NLRP11: variants seen among roughly 807,000 people sequenced by gnomAD.
NLRP11 encodes NACHT, LRR and PYD domains-containing protein 11.
In NLRP11, 53 loss-of-function variants were observed where a neutral mutation model predicts 79.3. The ratio of observed to expected loss-of-function variants is 0.67; its 90% CI spans 0.54 to 0.84. NLRP11 has a LOEUF of 0.84. NLRP11 is among the 40% of genes least tolerant of loss of function. The pLI is 0.00. For synonymous variants in NLRP11, 518 were observed against 462.6 expected, an observed-to-expected ratio of 1.12 and a Z score of -1.54; for missense variants, 1,264 against 1,255.0, an observed-to-expected ratio of 1.01 and a Z score of -0.11.
intron 6 of NLRP11, among the ~76,000 whole-genome samples, chr19:55,794,974 A>G (rs1278663387): frequency 6.6e-6 from 1 of 152,188 alleles, no homozygotes; most frequent in Non-Finnish European, 1.5e-5. Flanking sequence ...CGAAACAAAA[A>G]AACAAGATGA....
chr19:55,831,614 C>G (rs553149592), intron 1 of NLRP11, among the ~76,000 whole-genome samples: 1 of 152,224 alleles, frequency 6.6e-6, no homozygotes, highest in African/African-American at 2.4e-5. Context: ...CTTTATACAT[C>G]ACATAGAAGA....
Position 55,809,098 on chromosome 19 carries a change from TCTC to T in NLRP11, c.1509_1511del (p.Arg504del). 6.2e-6 allele frequency: 10 copies of T among 1,613,892 alleles called. No homozygotes were observed. The highest frequency in any genetic ancestry group is 8.5e-6 in the Non-Finnish European group (10 of 1,179,958). On this transcript the variant is annotated inframe_deletion, in exon 3 of 10. Coordinates refer to ENST00000589093, the Ensembl canonical transcript of NLRP11. The surrounding 1 kb of genome is among the most constrained non-coding windows in gnomAD (Gnocchi z 4.5). Reference sequence around the variant, plus strand: ...ATCCAAAGGATGTCTCAAGAATCTTTCTCCTGTTTGCATTTAGAAGACCAAAAA... The same window carrying T: ...ATCCAAAGGATGTCTCAAGAATCTTTCTGTTTGCATTTAGAAGACCAAAAA...
At chr19:55,836,001 G>A (rs991115277), upstream of NLRP11, among the ~76,000 whole-genome samples, 2 of 152,244 alleles carry the variant, frequency 1.3e-5, no homozygotes, top group Non-Finnish European at 2.9e-5. Context: ...GTGTGCATCT[G>A]TAATCCCAGC....
chr19:55,817,312 T>A (rs1168916294), intron 2 of NLRP11, among the ~76,000 whole-genome samples: 3 of 152,146 alleles, frequency 2.0e-5, no homozygotes, highest in African/African-American at 4.8e-5. Flanking sequence ...GATCCAGCAA[T>A]CCCACTACTG....
intron 2 of NLRP11, 114 bp downstream of exon 2, chr19:55,817,790 A>C (rs1981281853): frequency 1.2e-6 from 1 of 848,122 alleles, no homozygotes; most frequent in East Asian, 2.4e-5. Flanking sequence ...CATGTACTCA[A>C]ATACCACCTG....
At chr19:55,790,325 T>TGCCACTGCAG (rs1990161573) in intron 7 of NLRP11, among the ~76,000 whole-genome samples, 1 of 152,194 alleles carries the variant, frequency 6.6e-6, no homozygotes, top group Admixed American at 6.5e-5. Context: ...TCACAACTAC[T>TGCCACTGCAG]CAGTTTTGCC....
chr19:55,829,386 T>C (rs112539831), intron 1 of NLRP11, among the ~76,000 whole-genome samples: 20,518 of 151,950 alleles, frequency 0.14, 1,727 homozygotes, highest in East Asian at 0.23. Context: ...TACTTTAGGC[T>C]GGGCAGGGTG....
intron 5 of NLRP11, among the ~76,000 whole-genome samples, chr19:55,797,643 G>A (rs917289845): frequency 3.9e-5 from 6 of 152,222 alleles, no homozygotes; most frequent in African/African-American, 1.4e-4. Flanking sequence ...TTATGGGGCA[G>A]GCACTGAGCG....
chr19:55,821,995 A>G (rs960436821), intron 1 of NLRP11, among the ~76,000 whole-genome samples: 1 of 152,234 alleles, frequency 6.6e-6, no homozygotes, highest in East Asian at 1.9e-4. Context: ...ACAGTGGCTC[A>G]CGCCTGTAAT....
At chr19:55,808,448 T>G (rs1455504900) in intron 3 of NLRP11, among the ~76,000 whole-genome samples, 1 of 152,092 alleles carries the variant, frequency 6.6e-6, no homozygotes, top group Non-Finnish European at 1.5e-5. Flanking sequence ...GTATAAGATT[T>G]TTGTTGCTGT....
intron 6 of NLRP11, among the ~76,000 whole-genome samples, chr19:55,795,179 C>T (rs139057840): frequency 1.4e-4 from 21 of 152,220 alleles, no homozygotes; most frequent in Non-Finnish European, 2.6e-4. Flanking sequence ...CCCAACCTTC[C>T]GGAAGTCTGC....
rs1284029279 is a variant in NLRP11 at position 55,803,806 on chromosome 19, G to T, written c.2004-2067C>A. Among the ~76,000 whole-genome samples, 3 of 151,436 alleles carry T rather than the reference G, an allele frequency of 2.0e-5. No individual in the cohort carries two copies. In the East Asian group the frequency reaches 6.0e-4, roughly 30 times the overall value. On this transcript the variant is annotated intron_variant, in intron 4 of 9. Transcript: ENST00000589093. ...TAAGAATCAAAAAATAACAGGCTGG[G>T]CGTGGAGGCTCATGCCTGTAATCCT...
intron 9 of NLRP11, among the ~76,000 whole-genome samples, chr19:55,787,218 T>G (rs1368060967): frequency 6.6e-6 from 1 of 152,220 alleles, no homozygotes; most frequent in East Asian, 1.9e-4. Context: ...TGCCAGAGCT[T>G]TCTACACACG....
intron 1 of NLRP11, among the ~76,000 whole-genome samples, chr19:55,829,534 G>C (rs1163539904): frequency 6.6e-6 from 1 of 151,920 alleles, no homozygotes; most frequent in East Asian, 1.9e-4. Context: ...GGGCGTGGTG[G>C]CACGCGCCTG....
intron 2 of NLRP11, among the ~76,000 whole-genome samples, chr19:55,814,423 A>T (rs1980890996): frequency 1.3e-5 from 2 of 152,178 alleles, no homozygotes; most frequent in African/African-American, 4.8e-5. Context: ...CACCCCTTCT[A>T]GTCCATGGAA....
intron 1 of NLRP11, 93 bp downstream of exon 1, chr19:55,831,870 T>C (rs1292318289): frequency 6.6e-6 from 1 of 151,870 alleles, no homozygotes; most frequent in East Asian, 1.9e-4. Context: ...TATTTCCAGC[T>C]CCTAACCAAA....
chr19:55,831,141 A>T (rs1418591004), intron 1 of NLRP11, among the ~76,000 whole-genome samples: 1 of 79,752 alleles, frequency 1.3e-5, no homozygotes, highest in African/African-American at 4.9e-5. Flanking sequence ...CAACCAACTG[A>T]GCGGACCCCC....
At chr19:55,796,059 A>G in intron 6 of NLRP11, 21 bp downstream of exon 6, 1 of 1,596,166 alleles carries the variant, frequency 6.3e-7, no homozygotes, top group Non-Finnish European at 8.6e-7. Flanking sequence ...CTACGTGGTG[A>G]GCTCGTCTAA....
chr19:55,786,981 G>C (rs1010847919), intron 9 of NLRP11, among the ~76,000 whole-genome samples: 1 of 152,078 alleles, frequency 6.6e-6, no homozygotes. Flanking sequence ...CTCATAGTAG[G>C]GTCTCCAGCA....
Sources: gnomAD v4.1 joint callset for allele counts (sites outside exome capture counted in the v4.1 genomes callset) on GRCh38, gnomAD v4.1.1 for gene constraint, Gnocchi (gnomAD v3.1) non-coding constraint, MANE v1.5 for transcripts, NCBI Gene and HGNC (gene_info 2026-07-23, HGNC 2026-07-21) for gene names.